Variants in ASAP1 observed in about 807,000 individuals in gnomAD.
The protein encoded by ASAP1 is arf-GAP with SH3 domain, ANK repeat and PH domain-containing protein 1.
Under a neutral mutation model 145.2 loss-of-function variants are expected in ASAP1, and 43 were observed. That is an observed-to-expected ratio of 0.30 (90% CI 0.23 to 0.38). The LOEUF is 0.38. Ranked by LOEUF, ASAP1 falls within the 10% of genes least tolerant of loss-of-function variation. ASAP1 has a pLI of 1.00. For missense variants in ASAP1, 1,018 were observed against 1,355.3 expected, an observed-to-expected ratio of 0.75 and a Z score of 3.91; for synonymous variants, 546 against 515.5, an observed-to-expected ratio of 1.06 and a Z score of -0.80.
chr8:130,216,938 C>T (rs1460457866), intron 4 of ASAP1, among the ~76,000 whole-genome samples: 1 of 152,242 alleles, frequency 6.6e-6, no homozygotes, highest in African/African-American at 2.4e-5. Flanking sequence ...CTGGTACCAA[C>T]ACAGCATCCA....
At chr8:130,344,064 T>TTAAGAGTAGACTGTAGC (rs1177652304) in intron 3 of ASAP1, among the ~76,000 whole-genome samples, 1 of 152,218 alleles carries the variant, frequency 6.6e-6, no homozygotes, top group Non-Finnish European at 1.5e-5. Context: ...CAAAAGTCTG[T>TTAAGAGTAGACTGTAGC]TAAGAGTAGA....
chr8:130,222,762 C>T (rs980712396), intron 4 of ASAP1, among the ~76,000 whole-genome samples: 4 of 152,172 alleles, frequency 2.6e-5, no homozygotes, highest in Non-Finnish European at 5.9e-5. Flanking sequence ...TGCATTATCT[C>T]GTTCAGTGTT....
intron 26 of ASAP1, 136 bp downstream of exon 26, chr8:130,079,766 T>C: frequency 1.2e-6 from 1 of 818,790 alleles, no homozygotes; most frequent in South Asian, 1.6e-5. Flanking sequence ...AACGTCTGGT[T>C]TCTTGTTGTG....
At chr8:130,423,273 T>C (rs1187373791) in intron 1 of ASAP1, among the ~76,000 whole-genome samples, 1 of 152,156 alleles carries the variant, frequency 6.6e-6, no homozygotes, top group Admixed American at 6.5e-5. Context: ...AATTTAAAAA[T>C]GCAAATAAAG....
intron 24 of ASAP1, among the ~76,000 whole-genome samples, chr8:130,105,706 T>C (rs1324227715): frequency 6.6e-6 from 1 of 151,050 alleles, no homozygotes; most frequent in Non-Finnish European, 1.5e-5. Context: ...GAGGAGCTGT[T>C]ATCTCCACAT....
chr8:130,374,950 C>T (rs1021541935), intron 2 of ASAP1, among the ~76,000 whole-genome samples: 1 of 152,198 alleles, frequency 6.6e-6, no homozygotes, highest in Non-Finnish European at 1.5e-5. Flanking sequence ...CAAAAAGAAT[C>T]ATTTGTGGGC....
intron 14 of ASAP1, 134 bp downstream of exon 14, chr8:130,136,817 C>T (rs1435528604): frequency 4.2e-5 from 31 of 742,612 alleles, no homozygotes; most frequent in Non-Finnish European, 6.6e-5. Context: ...CTTCCTAGAG[C>T]AGCACATGCA....
intron 9 of ASAP1, among the ~76,000 whole-genome samples, chr8:130,169,327 A>T (rs1455992326): frequency 6.6e-6 from 1 of 152,232 alleles, no homozygotes; most frequent in East Asian, 1.9e-4. Context: ...AGGACACTGG[A>T]AATTACAGTT....
intron 4 of ASAP1, among the ~76,000 whole-genome samples, chr8:130,229,078 C>G (rs986299614): frequency 2.0e-5 from 3 of 152,170 alleles, no homozygotes; most frequent in African/African-American, 4.8e-5. Flanking sequence ...CCTCTATCAA[C>G]CTCTAAATGT....
At chr8:130,303,643 G>T (rs974053809) in intron 3 of ASAP1, among the ~76,000 whole-genome samples, 1 of 151,548 alleles carries the variant, frequency 6.6e-6, no homozygotes, top group Non-Finnish European at 1.5e-5. Context: ...AATGCGTACT[G>T]CTAAGTGAAA....
chr8:130,179,833 A>G (rs1814221254), intron 8 of ASAP1, among the ~76,000 whole-genome samples: 1 of 152,176 alleles, frequency 6.6e-6, no homozygotes, highest in African/African-American at 2.4e-5. Flanking sequence ...TGAGGTAACT[A>G]AACACAGTAG....
At chr8:130,441,945 T>A (rs971659212) in intron 1 of ASAP1, among the ~76,000 whole-genome samples, 11 of 152,222 alleles carry the variant, frequency 7.2e-5, no homozygotes, top group African/African-American at 1.7e-4. Context: ...TACTGCCCTT[T>A]TTTGGACCTG....
At chr8:130,372,260 C>T (rs1827247042) in intron 2 of ASAP1, among the ~76,000 whole-genome samples, 1 of 152,226 alleles carries the variant, frequency 6.6e-6, no homozygotes, top group African/African-American at 2.4e-5. Flanking sequence ...AACCCTTGCA[C>T]AATTTGGCTA....
intron 2 of ASAP1, among the ~76,000 whole-genome samples, chr8:130,384,539 C>T (rs533576174): frequency 2.4e-4 from 36 of 152,224 alleles, no homozygotes; most frequent in African/African-American, 8.2e-4. Context: ...AGTGCAATGG[C>T]GCTATCTTGG....
intron 1 of ASAP1, among the ~76,000 whole-genome samples, chr8:130,413,524 T>C (rs964971900): frequency 6.6e-6 from 1 of 152,190 alleles, no homozygotes; most frequent in Admixed American, 6.6e-5. Context: ...ATCAAAGACA[T>C]CTCAGAATCA....
chr8:130,419,092 C>T (rs1033369131), intron 1 of ASAP1, among the ~76,000 whole-genome samples: 9 of 152,142 alleles, frequency 5.9e-5, no homozygotes, highest in South Asian at 2.1e-4. Flanking sequence ...GCCAGGGTCC[C>T]GCACGCATTG....
intron 3 of ASAP1, among the ~76,000 whole-genome samples, chr8:130,253,924 G>A (rs1819358752): frequency 6.6e-6 from 1 of 152,174 alleles, no homozygotes; most frequent in Non-Finnish European, 1.5e-5. Flanking sequence ...AGGAGGCTGA[G>A]CCATGAGAAT....
intron 25 of ASAP1, among the ~76,000 whole-genome samples, chr8:130,086,770 C>T (rs1354714956): frequency 1.3e-5 from 2 of 152,134 alleles, no homozygotes; most frequent in Non-Finnish European, 2.9e-5. Flanking sequence ...CGCCACTGCA[C>T]TCCAGCCTGG....
At chr8:130,429,722 A>G (rs1830071331) in intron 1 of ASAP1, among the ~76,000 whole-genome samples, 1 of 152,138 alleles carries the variant, frequency 6.6e-6, no homozygotes, top group Non-Finnish European at 1.5e-5. Flanking sequence ...ACTTACCCCA[A>G]CCAACTTTCA....
Sources: allele counts gnomAD v4.1 joint callset (sites outside exome capture counted in the v4.1 genomes callset), GRCh38; gene constraint gnomAD v4.1.1; transcripts MANE v1.5; gene names NCBI Gene and HGNC (gene_info 2026-07-23, HGNC 2026-07-21).